The following FGF13 variants were observed in gnomAD, a reference collection of about 807,000 sequenced individuals.
FGF13 encodes the protein fibroblast growth factor homologous factor 2.
In FGF13, 2 loss-of-function variants were observed where a neutral mutation model predicts 19.5. The ratio of observed to expected loss-of-function variants is 0.10; its 90% CI spans 0.04 to 0.32. FGF13 has a LOEUF of 0.32. FGF13 is among the 10% of genes least tolerant of loss of function. The pLI, the probability that FGF13 is intolerant of heterozygous loss-of-function variation, is 1.00. For missense variants in FGF13, 113 were observed against 192.7 expected (o/e 0.59, Z 2.45); for synonymous variants, 72 against 76.9 (o/e 0.94, Z 0.33).
At chrX:139,187,593 G>GA (rs965990162) in intron 1 of FGF13, among the ~76,000 whole-genome samples, 2 of 110,693 alleles carry the variant, frequency 1.8e-5, no homozygotes, top group Admixed American at 9.5e-5. Context: ...AATCTTAGCA[G>GA]AAAAAAAATA....
chrX:139,173,621 C>T (rs1196479549), intron 1 of FGF13, among the ~76,000 whole-genome samples: 1 of 110,395 alleles, frequency 9.1e-6, no homozygotes, highest in East Asian at 2.8e-4. Flanking sequence ...TCTCATTGTT[C>T]AACTCCCACT....
intron 1 of FGF13, among the ~76,000 whole-genome samples, chrX:139,172,530 C>T (rs2084142138): frequency 9.0e-6 from 1 of 111,700 alleles, no homozygotes; most frequent in Non-Finnish European, 1.9e-5. Flanking sequence ...GGTATTCGAT[C>T]CATCCTAGGA....
intron 3 of FGF13, among the ~76,000 whole-genome samples, chrX:138,654,076 G>GGTCT (rs10674997): frequency 0.021 from 2,321 of 111,475 alleles, 44 homozygotes; most frequent in African/African-American, 0.071. Context: ...AACCCAGTCG[G>GGTCT]GTCTAACTTA....
At position 138,615,136 on chromosome X, in the gene FGF13, A is replaced by T. The variant is rs1267747032; in HGVS notation, c.*17714T>A. On this transcript the variant is annotated 3_prime_UTR_variant, in exon 5 of 5. Coordinates refer to ENST00000315930, the MANE Select transcript of FGF13 (RefSeq NM_004114.5). Reference sequence around the variant, plus strand: ...CATTGTAGTGGTTACCCAAATATACACATGTGGTAAAATTGCATAGACCTA... The same window carrying T: ...CATTGTAGTGGTTACCCAAATATACTCATGTGGTAAAATTGCATAGACCTA... 9.0e-6 allele frequency: 1 copy of T among 111,702 alleles called. No homozygotes were observed. The highest frequency in any genetic ancestry group is 1.9e-5 in the Non-Finnish European group (1 of 53,117). The allele number at this position is 111,702 out of a possible 1,213,427, so 9.2% of individuals were successfully genotyped here.
chrX:138,650,536 G>T (rs1056767807), intron 3 of FGF13, among the ~76,000 whole-genome samples: 1 of 111,641 alleles, frequency 9.0e-6, no homozygotes, highest in Non-Finnish European at 1.9e-5. Flanking sequence ...AGCCAAATAT[G>T]AGTCAATTAA....
intron 1 of FGF13, among the ~76,000 whole-genome samples, chrX:138,892,344 A>G (rs1006177324): frequency 2.7e-5 from 3 of 111,694 alleles, no homozygotes; most frequent in Admixed American, 9.5e-5. Flanking sequence ...GATGTAAAAT[A>G]TTAAGTACAG....
rs149867059 is a variant in FGF13, at chrX:139,121,473, C to T, written c.-113+81943G>A. Among the ~76,000 whole-genome samples the T allele has an allele frequency of 9.8e-4, 109 of 111,288 alleles. No homozygotes were observed. In the East Asian group the frequency reaches 0.031, roughly 32 times the overall value. On this transcript the variant is annotated intron_variant, in intron 1 of 2. Coordinates refer to the FGF13 transcript ENST00000421460. The stretch of plus-strand genomic sequence containing the variant: ...GGAGCACAGTGGCAAGATCATGGCT[C>T]ACTGCAGCCTCCAACTCCTGTGCTC...
intron 1 of FGF13, among the ~76,000 whole-genome samples, chrX:139,049,198 G>T (rs1037434376): frequency 9.0e-6 from 1 of 111,199 alleles, no homozygotes; most frequent in Non-Finnish European, 1.9e-5. Flanking sequence ...GTAGAATAAT[G>T]GTTACCAGGG....
Position 138,956,688 on chromosome X carries a change from C to T in FGF13, c.-112-92038G>A, listed in dbSNP as rs150048870. Among the ~76,000 whole-genome samples the T allele has an allele frequency of 4.1e-3, 454 of 111,368 alleles. 3 individuals are homozygous for T. The highest frequency in any genetic ancestry group is 0.014 in the African/African-American group (430 of 30,626). On this transcript the variant is annotated intron_variant, in intron 1 of 2. Transcript: ENST00000421460. ...CCTCCTCAGGAACCACTCTGAGCGA[C>T]GTAGGGGTGTGCATGACTCAGTCTC...
chrX:139,069,910 G>A (rs145724538), intron 1 of FGF13, among the ~76,000 whole-genome samples: 1,387 of 112,332 alleles, frequency 0.012, 26 homozygotes, highest in African/African-American at 0.042. Flanking sequence ...AATGGCATTA[G>A]GAAAACTGGC....
At chrX:138,712,288 T>C (rs991649056), upstream of FGF13, 1 of 111,590 alleles carries the variant, frequency 9.0e-6, no homozygotes, top group Non-Finnish European at 1.9e-5. Context: ...TTGCTGACTT[T>C]TCATTTCAAG....
upstream of FGF13, among the ~76,000 whole-genome samples, chrX:138,714,440 G>A (rs1358072447): frequency 8.9e-6 from 1 of 112,247 alleles, no homozygotes; most frequent in Non-Finnish European, 1.9e-5. Flanking sequence ...GAGGTCAGGA[G>A]TTTGAGACCA....
chrX:138,956,585 T>A (rs2091842273), intron 1 of FGF13, among the ~76,000 whole-genome samples: 1 of 110,698 alleles, frequency 9.0e-6, no homozygotes, highest in Non-Finnish European at 1.9e-5. Context: ...ACTCTGCTCT[T>A]TTTGGATCAA....
chrX:138,790,725 C>G (rs1314340152), intron 3 of FGF13, among the ~76,000 whole-genome samples: 1 of 112,333 alleles, frequency 8.9e-6, no homozygotes, highest in African/African-American at 3.2e-5. Context: ...TTGTCCCCTC[C>G]TCTTGGAAGC....
intron 1 of FGF13, among the ~76,000 whole-genome samples, chrX:139,078,002 G>A (rs1403171549): frequency 5.4e-5 from 6 of 111,361 alleles, no homozygotes; most frequent in Non-Finnish European, 9.4e-5. Context: ...ACACCTACTT[G>A]AGCTATTCAA....
At chrX:139,201,488 A>T (rs962951547) in intron 1 of FGF13, among the ~76,000 whole-genome samples, 5 of 112,381 alleles carry the variant, frequency 4.4e-5, no homozygotes, top group Non-Finnish European at 9.4e-5. Flanking sequence ...ATTTGATTTC[A>T]TCCAATCATC....
At chrX:138,688,831 AC>A in intron 3 of FGF13, among the ~76,000 whole-genome samples, 1 of 112,287 alleles carries the variant, frequency 8.9e-6, no homozygotes, top group East Asian at 2.8e-4. Context: ...TGCTAAATGA[AC>A]AACAGGAGAA....
At chrX:138,976,068 G>GTT (rs1257111781) in intron 1 of FGF13, among the ~76,000 whole-genome samples, 2 of 111,615 alleles carry the variant, frequency 1.8e-5, no homozygotes, top group African/African-American at 6.5e-5. Context: ...GACAACTGCT[G>GTT]TTTTCAGTCT....
chrX:138,762,280 T>C (rs1299897405), intron 3 of FGF13, among the ~76,000 whole-genome samples: 2 of 111,130 alleles, frequency 1.8e-5, no homozygotes, highest in African/African-American at 6.6e-5. Flanking sequence ...TTTGACCTGA[T>C]AACCACTGTA....
Sources: gnomAD v4.1 joint callset for allele counts (sites outside exome capture counted in the v4.1 genomes callset) on GRCh38, gnomAD v4.1.1 for gene constraint, MANE v1.5 for transcripts, NCBI Gene and HGNC (gene_info 2026-07-23, HGNC 2026-07-21) for gene names.